PPP2R1A: variants seen among roughly 807,000 people sequenced by gnomAD.
The protein encoded by PPP2R1A is protein phosphatase 2 scaffold subunit Aalpha, also known as serine/threonine-protein phosphatase 2A 65 kDa regulatory subunit A alpha isoform.
PPP2R1A carries 15 observed loss-of-function variants against 67.1 expected under a neutral mutation model. That is an observed-to-expected ratio of 0.22 (90% CI 0.15 to 0.34). The LOEUF (loss-of-function observed/expected upper bound fraction) is 0.34. PPP2R1A is among the 10% of genes least tolerant of loss of function. The pLI is 1.00. For synonymous variants in PPP2R1A, 337 were observed against 325.0 expected (o/e 1.04, Z -0.40); for missense variants, 369 against 775.0 (o/e 0.48, Z 6.22).
Position 52,222,156 on chromosome 19 carries a change from C to G in PPP2R1A, c.1576C>G (p.Leu526Val), listed in dbSNP as rs1410657790. 6.2e-7 allele frequency: 1 copy of G among 1,614,206 alleles called. No individual in the cohort carries two copies. The highest frequency in any genetic ancestry group is 8.5e-7 in the Non-Finnish European group (1 of 1,180,030). The change falls in exon 13 of 15, where the codon CTG becomes GTG. Residue 526 changes from leucine (L) to valine (V), a missense_variant. Leu to Val is a conservative substitution (Grantham distance 32, BLOSUM62 1). This residue lies in a region of PPP2R1A where 276 missense variants were observed against 508.4 expected (regional missense o/e 0.54). Transcript: ENST00000322088. ...ITTKHMLPTV[L>V]RMAGDPVANV... ...CACCAAGCACATGCTACCCACGGTT[C>G]TGCGCATGGCTGGGGACCCGGTTGC... is the stretch of plus-strand genomic sequence containing the variant.
At chr19:52,223,717 TG>T (rs1321990119) in intron 13 of PPP2R1A, among the ~76,000 whole-genome samples, 2 of 152,106 alleles carry the variant, frequency 1.3e-5, no homozygotes, top group African/African-American at 4.8e-5. Flanking sequence ...GTGGTGCAAA[TG>T]GTGAAGACAT....
At chr19:52,199,268 G>A (rs2089524669) in intron 1 of PPP2R1A, among the ~76,000 whole-genome samples, 3 of 152,052 alleles carry the variant, frequency 2.0e-5, no homozygotes, top group Non-Finnish European at 2.9e-5. Flanking sequence ...CCAGGTTCAC[G>A]CCATTCTCCT....
chr19:52,192,123 C>G (rs1207868162), intron 1 of PPP2R1A, among the ~76,000 whole-genome samples: 2 of 151,938 alleles, frequency 1.3e-5, no homozygotes, highest in Non-Finnish European at 2.9e-5. Context: ...TTGTTGAGAT[C>G]CTGTTTGAGA....
intron 1 of PPP2R1A, among the ~76,000 whole-genome samples, chr19:52,198,064 C>T (rs902358762): frequency 6.6e-6 from 1 of 152,180 alleles, no homozygotes; most frequent in South Asian, 2.1e-4. Flanking sequence ...TATTAATCTT[C>T]CCCTGGTGCT....
At position 52,228,543 on chromosome 19, in the gene PPP2R1A, A is replaced by C. The variant is rs1053687248; in HGVS notation, c.*2562A>C. On this transcript the variant is annotated 3_prime_UTR_variant, in exon 15 of 15. Transcript: ENST00000322088. ...TGTTAGGAGTGGTTCCTAATCTCCC[A>C]GGCTGCAGGCTTTGTTTGCTCCATA... The C allele has an allele frequency of 2.0e-5, 3 of 152,228 alleles. No individual in the cohort carries two copies. Among genetic ancestry groups the C allele is most frequent in the African/African-American group, 7.2e-5 (3 of 41,458 alleles). 9.4% of individuals were successfully genotyped at this position (152,228 alleles called of 1,614,324 possible).
At chr19:52,225,693 T>G in intron 13 of PPP2R1A, 24 bp from the exon 14 acceptor site, 1 of 1,608,900 alleles carries the variant, frequency 6.2e-7, no homozygotes, top group Non-Finnish European at 8.5e-7. Flanking sequence ...ACCCTCTCTC[T>G]CCCTGTCTCC....
intron 1 of PPP2R1A, chr19:52,190,386 CCTCGAGGGTCCCGGGCCTGCCCTGTG>C: frequency 1.6e-6 from 1 of 625,470 alleles, no homozygotes; most frequent in South Asian, 1.9e-5. Context: ...CCAGCGCTAG[CCTCGAGGGTCCCGGGCCTGCCCTGTG>C]CGCGCGGCGG....
At position 52,226,077 on chromosome 19, in the gene PPP2R1A, TC is replaced by T. The variant is rs2122383447; in HGVS notation, c.*99del. 6.4e-7 allele frequency: 1 copy of T among 1,574,016 alleles called. No homozygotes were observed. The highest frequency in any genetic ancestry group is 8.7e-7 in the Non-Finnish European group (1 of 1,144,732). On this transcript the variant is annotated 3_prime_UTR_variant, in exon 15 of 15. Transcript: ENST00000322088. ...ACACTGGGGGGCCTTTGGCTGTCAC[TC>T]CCTGTGCATGGTCTGACCCCAGGCC...
intron 12 of PPP2R1A, 81 bp from the exon 13 acceptor site, chr19:52,222,018 A>G (rs56071533): frequency 0.037 from 51,595 of 1,405,280 alleles, 1,182 homozygotes; most frequent in African/African-American, 0.092. Context: ...TGATCACCAG[A>G]GTGGCCTGGT....
chr19:52,220,879 A>C, intron 11 of PPP2R1A, 100 bp from the exon 12 acceptor site: 1 of 1,400,690 alleles, frequency 7.1e-7, no homozygotes, highest in Non-Finnish European at 9.9e-7. Context: ...CCTGGCACCT[A>C]GGGGCTGCTT....
At chr19:52,194,639 A>T (rs1300552522) in intron 1 of PPP2R1A, among the ~76,000 whole-genome samples, 1 of 151,972 alleles carries the variant, frequency 6.6e-6, no homozygotes, top group African/African-American at 2.4e-5. Context: ...CTGGTGGGTA[A>T]TGTAGAGGGA....
At chr19:52,204,309 C>G (rs2089580892) in intron 2 of PPP2R1A, among the ~76,000 whole-genome samples, 1 of 151,986 alleles carries the variant, frequency 6.6e-6, no homozygotes, top group African/African-American at 2.4e-5. Flanking sequence ...GAAAGAGTGT[C>G]GGGATTTCTT....
rs765213661 is a variant in PPP2R1A, at chr19:52,199,841, C to T, written c.79-2103C>T. On this transcript the variant is annotated intron_variant, in intron 1 of 14. Coordinates refer to ENST00000322088, the MANE Select transcript of PPP2R1A (RefSeq NM_014225.6). The stretch of plus-strand genomic sequence containing the variant: ...CTTTCTATAGGTCTGTCTCTATATA[C>T]GTTTTATTTTTTAGCTGAAAATCAG... 3.9e-5 allele frequency among the ~76,000 whole-genome samples: 6 copies of T among 152,140 alleles called. No individual in the cohort carries two copies. In the South Asian group the frequency reaches 6.2e-4, roughly 16 times the overall value.
intron 9 of PPP2R1A, among the ~76,000 whole-genome samples, chr19:52,218,693 T>C (rs1304171087): frequency 6.6e-6 from 1 of 152,208 alleles, no homozygotes; most frequent in Non-Finnish European, 1.5e-5. Context: ...GTCTGCTATG[T>C]CATTTCACAC....
chr19:52,197,156 A>G (rs2089504029), intron 1 of PPP2R1A, among the ~76,000 whole-genome samples: 1 of 152,174 alleles, frequency 6.6e-6, no homozygotes, highest in South Asian at 2.1e-4. Context: ...TTTAACTTAC[A>G]TTTAACTTCC....
chr19:52,228,145 A>C lies in PPP2R1A; in HGVS notation c.*2164A>C, dbSNP rs1979371637. ...TCTACAATTGGACATGTGTATGTAG[A>C]CAAGGCTCAGGGATATGTTGAGGCT... On this transcript the variant is annotated 3_prime_UTR_variant, in exon 15 of 15. Coordinates refer to ENST00000322088, the MANE Select transcript of PPP2R1A (RefSeq NM_014225.6). 2 of 152,326 alleles carry C rather than the reference A, an allele frequency of 1.3e-5. No individual in the cohort carries two copies. The highest frequency in any genetic ancestry group is 2.9e-5 in the Non-Finnish European group (2 of 68,096). The allele number at this position is 152,326 out of a possible 1,614,324, so 9.4% of individuals were successfully genotyped here. A position where few individuals can be genotyped will look rare whatever the true frequency, so the allele number is the denominator to read the frequency against.
chr19:52,202,115 T>G (rs1247183592), intron 2 of PPP2R1A, 81 bp downstream of exon 2: 2 of 1,236,198 alleles, frequency 1.6e-6, no homozygotes, highest in Non-Finnish European at 2.4e-6. Context: ...ACTTGTGGAT[T>G]TAACATATTG....
rs375789388 is a variant in PPP2R1A, at chr19:52,225,960, C to G, written c.1754-5C>G. On this transcript the variant is annotated splice_polypyrimidine_tract_variant and splice_region_variant and intron_variant, in intron 14 of 14. Coordinates refer to ENST00000322088, the MANE Select transcript of PPP2R1A (RefSeq NM_014225.6). ...TCTGATTCTTGCCTGTTCCTGTTTT[C>G]CTAGTTCTGTCTCTCGCCTGATGCT... The G allele has an allele frequency of 6.2e-7, 1 of 1,614,220 alleles. No individual in the cohort carries two copies. Among genetic ancestry groups the G allele is most frequent in the Non-Finnish European group, 8.5e-7 (1 of 1,180,042 alleles).
At chr19:52,194,201 G>A (rs1233304376) in intron 1 of PPP2R1A, among the ~76,000 whole-genome samples, 1 of 152,020 alleles carries the variant, frequency 6.6e-6, no homozygotes, top group East Asian at 1.9e-4. Context: ...CTCTGAGGAA[G>A]TGATGTTGAA....
Sources: gnomAD v4.1 joint callset for allele counts (sites outside exome capture counted in the v4.1 genomes callset) on GRCh38, gnomAD v4.1.1 for gene constraint, gnomAD v4.1.1 regional missense constraint, MANE v1.5 for transcripts, NCBI Gene and HGNC (gene_info 2026-07-23, HGNC 2026-07-21) for gene names.